The following GALNT13 variants were observed in gnomAD, a reference collection of about 807,000 sequenced individuals.
GALNT13 encodes polypeptide N-acetylgalactosaminyltransferase 13, also known as UDP-GalNAc:polypeptide N-acetylgalactosaminyltransferase 13.
In GALNT13, 28 loss-of-function variants were observed where a neutral mutation model predicts 64.2. That is an observed-to-expected ratio of 0.44 (90% CI 0.32 to 0.60). GALNT13 has a LOEUF of 0.60. Among genes scored for constraint, GALNT13 ranks in the 20% least tolerant of loss-of-function variants. The probability of loss-of-function intolerance (pLI) is 0.05; values close to 1 mark genes in which losing one functional copy is unlikely to be tolerated. For synonymous variants in GALNT13, 214 were observed against 224.6 expected (o/e 0.95, Z 0.42); for missense variants, 577 against 669.8 (o/e 0.86, Z 1.53).
At chr2:153,580,832 A>G in the GALNT13 span, among the ~76,000 whole-genome samples, 1 of 152,170 alleles carries the variant, frequency 6.6e-6, no homozygotes, top group African/African-American at 2.4e-5. Context: ...GTACCAACAT[A>G]TACTCCAGTC....
At chr2:153,524,234 T>A in the GALNT13 span, among the ~76,000 whole-genome samples, 1 of 152,220 alleles carries the variant, frequency 6.6e-6, no homozygotes, top group Non-Finnish European at 1.5e-5. Context: ...ATTTTAAAAT[T>A]GATATTCCTG....
the GALNT13 span, among the ~76,000 whole-genome samples, chr2:153,342,868 T>C: frequency 1.3e-5 from 2 of 152,180 alleles, no homozygotes; most frequent in Non-Finnish European, 2.9e-5. Flanking sequence ...CCATTACACA[T>C]AGAAGACTGT....
chr2:153,625,053 C>T, the GALNT13 span, among the ~76,000 whole-genome samples: 1 of 151,982 alleles, frequency 6.6e-6, no homozygotes, highest in Non-Finnish European at 1.5e-5. Flanking sequence ...TAGATCCTAG[C>T]AATTCTAAAA....
chr2:153,903,521 A>G (rs560670338), intron 2 of GALNT13, among the ~76,000 whole-genome samples: 2 of 151,904 alleles, frequency 1.3e-5, no homozygotes, highest in Non-Finnish European at 1.5e-5. Context: ...TCATTGATTC[A>G]TGTTCCAAGT....
chr2:153,961,061 GTA>G (rs1692910490), intron 3 of GALNT13, among the ~76,000 whole-genome samples: 1 of 151,986 alleles, frequency 6.6e-6, no homozygotes, highest in Admixed American at 6.6e-5. Flanking sequence ...GTATATTTTT[GTA>G]TATCAGTTAT....
intron 2 of GALNT13, among the ~76,000 whole-genome samples, chr2:153,942,647 A>C (rs546000384): frequency 3.3e-5 from 5 of 152,068 alleles, no homozygotes; most frequent in East Asian, 1.9e-4. Flanking sequence ...AAGAAAAAAA[A>C]CCCCAAATGT....
the GALNT13 span, among the ~76,000 whole-genome samples, chr2:153,827,109 C>A: frequency 4.0e-5 from 6 of 151,748 alleles, no homozygotes; most frequent in Admixed American, 3.3e-4. Context: ...ACAATCATGG[C>A]GGAAGGCAAG....
intron 4 of GALNT13, among the ~76,000 whole-genome samples, chr2:154,145,918 G>A (rs1683565424): frequency 6.6e-6 from 1 of 151,816 alleles, no homozygotes; most frequent in Non-Finnish European, 1.5e-5. Flanking sequence ...ATATTAATTG[G>A]ATTTCCAATC....
chr2:154,185,818 A>T (rs1463620561), intron 4 of GALNT13, among the ~76,000 whole-genome samples: 1 of 152,042 alleles, frequency 6.6e-6, no homozygotes, highest in African/African-American at 2.4e-5. Flanking sequence ...TACAATGAAG[A>T]ATCTGACTCC....
the GALNT13 span, among the ~76,000 whole-genome samples, chr2:153,608,570 T>C: frequency 6.6e-6 from 1 of 151,042 alleles, no homozygotes; most frequent in Admixed American, 6.6e-5. Flanking sequence ...ATCAAAAGGA[T>C]TTGGAGATGA....
At chr2:154,303,531 T>A (rs188866839) in intron 9 of GALNT13, among the ~76,000 whole-genome samples, 1 of 152,228 alleles carries the variant, frequency 6.6e-6, no homozygotes, top group East Asian at 1.9e-4. Context: ...AACTGCTCTT[T>A]GTTAGAAAAT....
At chr2:153,997,691 C>T (rs914002085) in intron 3 of GALNT13, among the ~76,000 whole-genome samples, 9 of 152,008 alleles carry the variant, frequency 5.9e-5, no homozygotes, top group African/African-American at 1.7e-4. Flanking sequence ...ATATGCAGAA[C>T]GTGCAGATTT....
the GALNT13 span, among the ~76,000 whole-genome samples, chr2:153,799,872 C>G: frequency 1.1e-4 from 17 of 152,084 alleles, no homozygotes. Context: ...AAAGCTACAA[C>G]TGAGACATAT....
At chr2:153,491,881 G>T in the GALNT13 span, among the ~76,000 whole-genome samples, 1 of 152,068 alleles carries the variant, frequency 6.6e-6, no homozygotes, top group Non-Finnish European at 1.5e-5. Context: ...GCCTCCCAAA[G>T]AGCTGGGATT....
the GALNT13 span, chr2:153,421,373 C>A: frequency 4.4e-6 from 1 of 225,872 alleles, no homozygotes; most frequent in Admixed American, 4.2e-5. Context: ...CCATAGATGG[C>A]CTCATTGTCT....
At chr2:153,346,067 C>A in the GALNT13 span, among the ~76,000 whole-genome samples, 2 of 152,096 alleles carry the variant, frequency 1.3e-5, no homozygotes, top group Non-Finnish European at 2.9e-5. Flanking sequence ...CTCCACCTCC[C>A]CAAGCCAGGC....
the GALNT13 span, among the ~76,000 whole-genome samples, chr2:153,507,082 A>C: frequency 6.6e-6 from 1 of 150,732 alleles, no homozygotes. Flanking sequence ...TTGATGGGTT[A>C]GTTCAAAAGC....
At chr2:154,029,347 T>C (rs1346543560) in intron 3 of GALNT13, among the ~76,000 whole-genome samples, 1 of 151,784 alleles carries the variant, frequency 6.6e-6, no homozygotes, top group Non-Finnish European at 1.5e-5. Context: ...AACTGCTAAG[T>C]GTAGGACAGC....
the GALNT13 span, among the ~76,000 whole-genome samples, chr2:153,402,573 C>A: frequency 6.6e-6 from 1 of 152,042 alleles, no homozygotes; most frequent in African/African-American, 2.4e-5. Flanking sequence ...ACCAATCAGA[C>A]GTAGATTTGG....
Sources: allele counts gnomAD v4.1 joint callset (sites outside exome capture counted in the v4.1 genomes callset), GRCh38; gene constraint gnomAD v4.1.1; transcripts MANE v1.5; gene names NCBI Gene and HGNC (gene_info 2026-07-23, HGNC 2026-07-21).